Variants in PCDHGA5 observed in about 807,000 individuals in gnomAD.
PCDHGA5 encodes the protein protocadherin gamma subfamily A, 5.
In PCDHGA5, 36 loss-of-function variants were observed where a neutral mutation model predicts 56.7. The observed-to-expected ratio is 0.64, with a 90% CI of 0.49 to 0.84. PCDHGA5 has a LOEUF of 0.84. Ranked by LOEUF, PCDHGA5 falls within the 40% of genes least tolerant of loss-of-function variation. PCDHGA5 has a pLI of 0.00. For missense variants in PCDHGA5, 1,305 were observed against 1,201.5 expected (o/e 1.09, Z -1.27); for synonymous variants, 563 against 520.2 (o/e 1.08, Z -1.12).
At chr5:141,382,671 T>C in intron 1 of PCDHGA5, 1 of 434,850 alleles carries the variant, frequency 2.3e-6, no homozygotes, top group Non-Finnish European at 4.0e-6. Context: ...GCGCCGCTGT[T>C]CACCAACCAG....
chr5:141,510,656 A>C (rs761093897), intron 3 of PCDHGA5, among the ~76,000 whole-genome samples: 4 of 152,304 alleles, frequency 2.6e-5, no homozygotes, highest in Non-Finnish European at 5.9e-5. Flanking sequence ...CCCATTTTGC[A>C]GATGAGAAAA....
At chr5:141,389,681 C>G in intron 1 of PCDHGA5, 5 of 1,612,438 alleles carry the variant, frequency 3.1e-6, no homozygotes, top group Non-Finnish European at 4.2e-6. Context: ...CAGGACACAA[C>G]GCCTGGCTGT....
In PCDHGA5 at chr5:141,371,335, G is replaced by T. The variant is rs374653658; in HGVS notation, c.2421+4584G>T. 25 of 1,613,822 alleles carry T rather than the reference G, an allele frequency of 1.5e-5. No individual in the cohort carries two copies. In the African/African-American group the frequency reaches 3.2e-4, roughly 21 times the overall value. The stretch of plus-strand genomic sequence containing the variant: ...GAACTGGACTTTGAAGAGAGAGATA[G>T]CTACACAATTGGGGTGGAAGCAAAG... On this transcript the variant is annotated intron_variant, in intron 1 of 3. Coordinates refer to ENST00000518069, the MANE Select transcript of PCDHGA5 (RefSeq NM_018918.3).
At chr5:141,385,471 C>T in intron 1 of PCDHGA5, 4 of 1,437,776 alleles carry the variant, frequency 2.8e-6, no homozygotes, top group South Asian at 3.1e-5. Context: ...AGTGGTGACA[C>T]TTTAATATAG....
chr5:141,431,474 G>T lies in PCDHGA5; in HGVS notation c.2422-63333G>T, dbSNP rs747313827. 3.7e-6 allele frequency: 6 copies of T among 1,613,842 alleles called. No homozygotes were observed. The South Asian group carries it at 6.6e-5, about 18-fold the overall frequency. ...GATGGTTCTGGATGCGAACGACAAC[G>T]CACCAGCGTTTGCTCAGCCCGAGTA... is the stretch of plus-strand genomic sequence containing the variant. On this transcript the variant is annotated intron_variant, in intron 1 of 3. Transcript: ENST00000518069. The surrounding 1 kb of genome is among the most constrained non-coding windows in gnomAD (Gnocchi z 4.8).
rs772444495 is a variant in PCDHGA5 at position 141,491,766 on chromosome 5, T to C, written c.2422-3041T>C. 14 of 1,567,738 alleles carry C rather than the reference T, an allele frequency of 8.9e-6. No homozygotes were observed. The African/African-American group carries it at 1.6e-4, about 18-fold the overall frequency. ...GCACTGGAGAAGCCGCCCGTCCTCA[T>C]AAGGGATTGAACTTGCATCCACTCC... On this transcript the variant is annotated intron_variant, in intron 1 of 3. Coordinates refer to ENST00000518069, the MANE Select transcript of PCDHGA5 (RefSeq NM_018918.3). The surrounding 1 kb of genome is among the most constrained non-coding windows in gnomAD (Gnocchi z 6.9).
At chr5:141,372,341 A>G (rs1382612317) in intron 1 of PCDHGA5, 1 of 1,613,800 alleles carries the variant, frequency 6.2e-7, no homozygotes, top group Non-Finnish European at 8.5e-7. Context: ...TGCGTGATGG[A>G]GGACAGCAGC....
intron 1 of PCDHGA5, chr5:141,392,892 G>A (rs2092623669): frequency 6.2e-7 from 1 of 1,613,702 alleles, no homozygotes; most frequent in Non-Finnish European, 8.5e-7. Context: ...GTGGGAAATC[G>A]GGAGGGGACA....
In PCDHGA5 at chr5:141,476,908, A is replaced by G. The variant is rs754076231; in HGVS notation, c.2422-17899A>G. 6.2e-7 allele frequency: 1 copy of G among 1,614,050 alleles called. No individual in the cohort carries two copies. The highest frequency in any genetic ancestry group is 8.5e-7 in the Non-Finnish European group (1 of 1,180,038). On this transcript the variant is annotated intron_variant, in intron 1 of 3. Coordinates refer to ENST00000518069, the MANE Select transcript of PCDHGA5 (RefSeq NM_018918.3). This position sits in a 1 kb window ranked among gnomAD's most constrained non-coding sequence, Gnocchi z 7.6. ...ATGCACCCTCCGGCACGCGCGTGGT[A>G]CAAGTCCTTGCAACGGATCTGGATG...
At chr5:141,372,726 C>G (rs748651265) in intron 1 of PCDHGA5, 2 of 1,613,836 alleles carry the variant, frequency 1.2e-6, no homozygotes, top group South Asian at 2.2e-5. Flanking sequence ...TGCTGCACCA[C>G]AAGATCTTCT....
At chr5:141,375,448 A>G in intron 1 of PCDHGA5, 2 of 1,613,844 alleles carry the variant, frequency 1.2e-6, no homozygotes, top group South Asian at 1.1e-5. Flanking sequence ...TCCCCCATTC[A>G]TCCTACTCAG....
At chr5:141,373,805 GAT>G in intron 1 of PCDHGA5, 2 of 337,732 alleles carry the variant, frequency 5.9e-6, no homozygotes, top group African/African-American at 2.1e-5. Context: ...TCCTCTGTGT[GAT>G]AGTTTCACAA....
At chr5:141,510,589 A>G (rs1043188276) in intron 3 of PCDHGA5, among the ~76,000 whole-genome samples, 2 of 152,194 alleles carry the variant, frequency 1.3e-5, no homozygotes, top group African/African-American at 2.4e-5. Context: ...CGTACCTGAC[A>G]TACATTTTCT....
rs1456184444 is a variant in PCDHGA5, at chr5:141,512,578, C to G, written c.*1405C>G. ...ATAGACCTTCTTCTCCCACCCCCTT[C>G]TGCCCCTGGGTCCCCGGCCATCCAG... On this transcript the variant is annotated 3_prime_UTR_variant, in exon 4 of 4. Coordinates refer to ENST00000518069, the MANE Select transcript of PCDHGA5 (RefSeq NM_018918.3). The G allele has an allele frequency of 6.5e-6, 1 of 153,062 alleles. No individual in the cohort carries two copies. The highest frequency in any genetic ancestry group is 1.5e-5 in the Non-Finnish European group (1 of 68,534). 9.5% of individuals were successfully genotyped at this position (153,062 alleles called of 1,614,324 possible). A position where few individuals can be genotyped will look rare whatever the true frequency, so the allele number is the denominator to read the frequency against.
At chr5:141,444,670 C>G (rs1174911888) in intron 1 of PCDHGA5, among the ~76,000 whole-genome samples, 1 of 152,052 alleles carries the variant, frequency 6.6e-6, no homozygotes, top group African/African-American at 2.4e-5. Context: ...CCATTTTTTT[C>G]AATACCATTT....
Position 141,384,136 on chromosome 5 carries a change from G to A in PCDHGA5, c.2421+17385G>A. ...GGTCACAACCAAAAACTTGGACCGG[G>A]AAACACTCTCTTTGTATAACATCAC... is the stretch of plus-strand genomic sequence containing the variant. On this transcript the variant is annotated intron_variant, in intron 1 of 3. Coordinates refer to ENST00000518069, the MANE Select transcript of PCDHGA5 (RefSeq NM_018918.3). The A allele has an allele frequency of 1.9e-6, 3 of 1,612,410 alleles. No individual in the cohort carries two copies. In the South Asian group the frequency reaches 3.3e-5, roughly 18 times the overall value.
rs780436102 is a variant in PCDHGA5 at position 141,431,846 on chromosome 5, G to T, written c.2422-62961G>T. On this transcript the variant is annotated intron_variant, in intron 1 of 3. Coordinates refer to ENST00000518069, the MANE Select transcript of PCDHGA5 (RefSeq NM_018918.3). The surrounding 1 kb of genome is among the most constrained non-coding windows in gnomAD (Gnocchi z 4.8). ...CTCGGTTCCCGAAAACTCTCCCAGA[G>T]GGACATTAATTGCCCTTTTAAATGT... 4 of 1,614,274 alleles carry T rather than the reference G, an allele frequency of 2.5e-6. No homozygotes were observed. The South Asian group carries it at 4.4e-5, about 18-fold the overall frequency.
In PCDHGA5 at chr5:141,466,692, A is replaced by G. The variant is rs185786515; in HGVS notation, c.2422-28115A>G. Among the ~76,000 whole-genome samples the G allele has an allele frequency of 3.0e-4, 46 of 152,280 alleles. 1 individual carries two copies. The highest frequency in any genetic ancestry group is 1.0e-3 in the African/African-American group (43 of 41,558). On this transcript the variant is annotated intron_variant, in intron 1 of 3. Coordinates refer to ENST00000518069, the MANE Select transcript of PCDHGA5 (RefSeq NM_018918.3). ...ACCGTTCTTCCACTCAAGCTTCATCATAAATTTGATGTCTGTTCTTGTTTC... is the reference window on the plus strand; with the variant it reads ...ACCGTTCTTCCACTCAAGCTTCATCGTAAATTTGATGTCTGTTCTTGTTTC...
chr5:141,398,813 G>A (rs779872602), intron 1 of PCDHGA5: 11 of 1,613,838 alleles, frequency 6.8e-6, no homozygotes, highest in Admixed American at 3.3e-5. Flanking sequence ...ACTGAGCTCC[G>A]GATCCAGGTA....
Sources: allele counts gnomAD v4.1 joint callset (sites outside exome capture counted in the v4.1 genomes callset), GRCh38; gene constraint gnomAD v4.1.1; non-coding constraint Gnocchi (gnomAD v3.1); transcripts MANE v1.5; gene names NCBI Gene and HGNC (gene_info 2026-07-23, HGNC 2026-07-21).